Variants in RCBTB1 observed in about 807,000 individuals in gnomAD.
RCBTB1 encodes RCC1 and BTB domain-containing protein 1.
Under a neutral mutation model 62.4 loss-of-function variants are expected in RCBTB1, and 46 were observed. The observed-to-expected ratio is 0.74, with a 90% CI of 0.58 to 0.94. The LOEUF (loss-of-function observed/expected upper bound fraction) is 0.94. RCBTB1 is among the 40% of genes least tolerant of loss of function. RCBTB1 has a pLI of 0.00. For synonymous variants in RCBTB1, 222 were observed against 245.8 expected (o/e 0.90, Z 0.91); for missense variants, 565 against 654.9 (o/e 0.86, Z 1.50).
chr13:49,564,994 G>GTCCCGCTCCCGCTCCCAT (rs1313043051), intron 4 of RCBTB1, among the ~76,000 whole-genome samples: 2,438 of 152,176 alleles, frequency 0.016, 59 homozygotes, highest in African/African-American at 0.055. Flanking sequence ...GATTGCAGCT[G>GTCCCGCTCCCGCTCCCAT]TCCCGCTCCC....
chr13:49,574,785 T>C (rs887382353), intron 2 of RCBTB1, among the ~76,000 whole-genome samples: 5 of 152,080 alleles, frequency 3.3e-5, no homozygotes, highest in African/African-American at 4.8e-5. Flanking sequence ...GATAGTTGTA[T>C]ACCAACGGTC....
intron 4 of RCBTB1, among the ~76,000 whole-genome samples, chr13:49,562,428 G>A (rs535445464): frequency 5.3e-4 from 80 of 150,538 alleles, no homozygotes; most frequent in African/African-American, 1.8e-3. Context: ...GGAGGTTACA[G>A]GTGTGAACCA....
At chr13:49,551,793 G>A (rs916789892) in intron 7 of RCBTB1, among the ~76,000 whole-genome samples, 3 of 151,688 alleles carry the variant, frequency 2.0e-5, no homozygotes, top group African/African-American at 7.3e-5. Flanking sequence ...CCAGCTACTC[G>A]GGAGGATGAG....
chr13:49,572,677 G>T (rs887087322), intron 2 of RCBTB1, among the ~76,000 whole-genome samples: 1 of 151,766 alleles, frequency 6.6e-6, no homozygotes, highest in Non-Finnish European at 1.5e-5. Context: ...GGTGGCGCAC[G>T]CTGGTAATCT....
At position 49,544,946 on chromosome 13, in the gene RCBTB1, C is replaced by A; in HGVS notation, c.1046-83G>T. The A allele has an allele frequency of 3.5e-6, 4 of 1,128,454 alleles. No individual in the cohort carries two copies. The Admixed American group carries it at 8.7e-5, about 24-fold the overall frequency. The allele number at this position is 1,128,454 out of a possible 1,614,324, so 69.9% of individuals were successfully genotyped here. ...AAAGACTTCAAAAAGATCATCATGA[C>A]CGTGATGGATAATTCCACTTGTTTT... On this transcript the variant is annotated intron_variant, in intron 9 of 12. Coordinates refer to ENST00000378302, the MANE Select transcript of RCBTB1 (RefSeq NM_018191.4).
chr13:49,553,902 TAAG>T (rs2139194819), intron 6 of RCBTB1, among the ~76,000 whole-genome samples: 1 of 152,328 alleles, frequency 6.6e-6, no homozygotes, highest in East Asian at 1.9e-4. Context: ...AATACTTGTA[TAAG>T]TGTACAAAGA....
At chr13:49,550,075 G>A (rs977667906) in intron 8 of RCBTB1, among the ~76,000 whole-genome samples, 4 of 151,482 alleles carry the variant, frequency 2.6e-5, no homozygotes, top group Non-Finnish European at 5.9e-5. Flanking sequence ...CTGCAGCCTC[G>A]ACCTCCCAGG....
intron 12 of RCBTB1, among the ~76,000 whole-genome samples, chr13:49,537,315 G>T (rs1960014654): frequency 6.6e-6 from 1 of 152,138 alleles, no homozygotes; most frequent in South Asian, 2.1e-4. Flanking sequence ...GTTTTGTTTT[G>T]TTCTCAAAAT....
At chr13:49,574,699 AC>A (rs67044707) in intron 2 of RCBTB1, among the ~76,000 whole-genome samples, 22,819 of 64,898 alleles carry the variant, frequency 0.35, 2,357 homozygotes, top group African/African-American at 0.43. Flanking sequence ...AAAAAAAAAA[AC>A]ATTAGAATTA....
At chr13:49,579,573 G>A (rs141154020) in intron 2 of RCBTB1, among the ~76,000 whole-genome samples, 38 of 151,500 alleles carry the variant, frequency 2.5e-4, no homozygotes, top group East Asian at 9.7e-4. Context: ...GCAGTGAACC[G>A]AGATGGTGCC....
chr13:49,566,948 C>T (rs537015732), intron 3 of RCBTB1, among the ~76,000 whole-genome samples, 180 bp from the exon 4 acceptor site: 20 of 152,166 alleles, frequency 1.3e-4, no homozygotes, highest in Admixed American at 2.6e-4. Context: ...GAATGTTTGT[C>T]TATATTATGA....
Position 49,552,177 on chromosome 13 carries a change from C to A in RCBTB1, c.711+1G>T. ...ACTAACTGAGAGTGCACCACACGTA[C>A]CTGGTTCACACACACGCTGTGCAAA... On this transcript the variant is annotated splice_donor_variant, in intron 7 of 12. Transcript: ENST00000378302. LOFTEE classifies it high-confidence loss of function. The A allele has an allele frequency of 1.3e-6, 2 of 1,565,480 alleles. No individual in the cohort carries two copies. The highest frequency in any genetic ancestry group is 2.3e-5 in the East Asian group (1 of 43,410).
chr13:49,552,306 G>C lies in RCBTB1; in HGVS notation c.604-21C>G, dbSNP rs766534517. On this transcript the variant is annotated intron_variant, in intron 6 of 12. Coordinates refer to ENST00000378302, the MANE Select transcript of RCBTB1 (RefSeq NM_018191.4). ...TATACCTTAGAGAGGACAGAAGGGA[G>C]AGAGTGAGATTTTTAAACTGCTGGT... 4.9e-5 allele frequency: 74 copies of C among 1,506,850 alleles called. No individual in the cohort carries two copies. The East Asian group carries it at 1.2e-3, about 24-fold the overall frequency. The allele number at this position is 1,506,850 out of a possible 1,614,324, so 93.3% of individuals were successfully genotyped here. A position where few individuals can be genotyped will look rare whatever the true frequency, so the allele number is the denominator to read the frequency against.
chr13:49,559,920 C>T lies in RCBTB1; in HGVS notation c.442G>A (p.Glu148Lys), dbSNP rs372107028. 2 of 1,611,854 alleles carry T rather than the reference C, an allele frequency of 1.2e-6. No individual in the cohort carries two copies. The highest frequency in any genetic ancestry group is 1.7e-6 in the Non-Finnish European group (2 of 1,179,134). The change falls in exon 5 of 13, where the codon GAG becomes AAG. Residue 148 changes from glutamate (E) to lysine (K), a missense_variant and splice_region_variant. By Grantham distance (56) the Glu-to-Lys change is moderately conservative (BLOSUM62 1). Transcript: ENST00000378302. ...HHSMALAADG[E>K]VFAWGYNNCG... ...AAGAATAAAAGCAGCATACTTACCT[C>T]TCCATCAGCTGCCAGAGCCATTGAA... is the stretch of plus-strand genomic sequence containing the variant.
chr13:49,551,177 G>C, intron 8 of RCBTB1, 149 bp downstream of exon 8: 1 of 804,318 alleles, frequency 1.2e-6, no homozygotes, highest in Non-Finnish European at 1.9e-6. Flanking sequence ...GGAGGAAGGG[G>C]GAAGGGAGAA....
chr13:49,541,901 G>T, intron 10 of RCBTB1, 74 bp from the exon 11 acceptor site: 1 of 1,481,056 alleles, frequency 6.8e-7, no homozygotes, highest in Non-Finnish European at 9.0e-7. Context: ...ACCTAATTAA[G>T]TTGATAAAAT....
chr13:49,540,201 T>C (rs1012535771), intron 12 of RCBTB1, among the ~76,000 whole-genome samples: 1 of 152,224 alleles, frequency 6.6e-6, no homozygotes, highest in South Asian at 2.1e-4. Context: ...AGGTGCCTAA[T>C]ATGTGCCAGG....
At chr13:49,579,330 G>T (rs1009641067) in intron 2 of RCBTB1, among the ~76,000 whole-genome samples, 1 of 152,146 alleles carries the variant, frequency 6.6e-6, no homozygotes, top group African/African-American at 2.4e-5. Context: ...AGTACTACAA[G>T]AATGAAAGGG....
At chr13:49,540,526 T>C (rs760810275) in intron 12 of RCBTB1, among the ~76,000 whole-genome samples, 3 of 152,198 alleles carry the variant, frequency 2.0e-5, no homozygotes, top group Non-Finnish European at 4.4e-5. Context: ...GACAGCAAGG[T>C]AAGTCTCGAA....
Sources: gnomAD v4.1 joint callset for allele counts (sites outside exome capture counted in the v4.1 genomes callset) on GRCh38, gnomAD v4.1.1 for gene constraint, MANE v1.5 for transcripts, NCBI Gene and HGNC (gene_info 2026-07-23, HGNC 2026-07-21) for gene names.